The following NSUN7 variants were observed in gnomAD, a reference collection of about 807,000 sequenced individuals.
NSUN7 encodes the protein NOP2/Sun RNA methyltransferase family member 7.
In NSUN7, 39 loss-of-function variants were observed where a neutral mutation model predicts 58.5. The ratio of observed to expected loss-of-function variants is 0.67; its 90% CI spans 0.52 to 0.87. The LOEUF is 0.87. Ranked by LOEUF, NSUN7 falls within the 40% of genes least tolerant of loss-of-function variation. The pLI is 0.00. For missense variants in NSUN7, 765 were observed against 844.1 expected (o/e 0.91, Z 1.16); for synonymous variants, 278 against 303.7 (o/e 0.92, Z 0.88).
chr4:40,803,329 A>G (rs1743671593), intron 10 of NSUN7, among the ~76,000 whole-genome samples: 1 of 152,072 alleles, frequency 6.6e-6, no homozygotes, highest in South Asian at 2.1e-4. Context: ...GTCAAATGGT[A>G]TTTTTAGTTC....
intron 7 of NSUN7, chr4:40,786,764 T>C: frequency 1.3e-6 from 2 of 1,482,592 alleles, no homozygotes; most frequent in South Asian, 1.4e-5. Context: ...TGGTCTGATT[T>C]TGACAAATAG....
chr4:40,764,743 T>C (rs1741632831), intron 4 of NSUN7, among the ~76,000 whole-genome samples: 4 of 152,204 alleles, frequency 2.6e-5, no homozygotes, highest in South Asian at 2.1e-4. Context: ...CAGCACCTGT[T>C]GTTTCCTGAC....
chr4:40,750,885 G>A lies in NSUN7; in HGVS notation c.192G>A (p.Gln64=). The part of the protein sequence containing the change: ...FQGIRIEKSA[Q]KVLIKYGNEP... ...GTATTCGAATCGAAAAGTCGGCACA[G>A]AAAGTCTTAATCAAGTATGGGAATG... The change falls in exon 2 of 12, where the codon CAG becomes CAA. Residue 64 remains glutamine (Q), a synonymous_variant. Coordinates refer to ENST00000381782, the MANE Select transcript of NSUN7 (RefSeq NM_024677.6). 1 of 1,614,212 alleles carries A rather than the reference G, an allele frequency of 6.2e-7. No homozygotes were observed. Among genetic ancestry groups the A allele is most frequent in the Non-Finnish European group, 8.5e-7 (1 of 1,180,042 alleles).
Position 40,808,689 on chromosome 4 carries a change from G to C in NSUN7, c.1907G>C (p.Arg636Thr). The C allele has an allele frequency of 6.4e-7, 1 of 1,551,534 alleles. No homozygotes were observed. Among genetic ancestry groups the C allele is most frequent in the Non-Finnish European group, 8.7e-7 (1 of 1,147,014 alleles). Reference sequence around the variant, plus strand: ...CGTGAACGGCAGACACACTTCTTAAGACCTCGGCCAGAAGACAGAATGGTT... The same window carrying C: ...CGTGAACGGCAGACACACTTCTTAACACCTCGGCCAGAAGACAGAATGGTT... ...RPRERQTHFL[R>T]PRPEDRMVAL... The change falls in exon 12 of 12, where the codon AGA becomes ACA. Residue 636 changes from arginine to threonine, a missense_variant. Transcript: ENST00000381782.
At chr4:40,771,412 T>C (rs1032441130) in intron 4 of NSUN7, among the ~76,000 whole-genome samples, 1 of 152,170 alleles carries the variant, frequency 6.6e-6, no homozygotes, top group Admixed American at 6.6e-5. Context: ...CTTTCTCTCT[T>C]TCTCTTCTCT....
chr4:40,761,695 T>A (rs548251023), intron 4 of NSUN7, among the ~76,000 whole-genome samples: 1 of 152,256 alleles, frequency 6.6e-6, no homozygotes, highest in Non-Finnish European at 1.5e-5. Flanking sequence ...AAGAATCAAC[T>A]ATTTTCCCAA....
At chr4:40,784,325 A>T (rs1742710945) in intron 7 of NSUN7, among the ~76,000 whole-genome samples, 1 of 152,236 alleles carries the variant, frequency 6.6e-6, no homozygotes, top group Non-Finnish European at 1.5e-5. Flanking sequence ...TTGTACATGA[A>T]AGTTCATAGC....
Position 40,780,933 on chromosome 4 carries a change from C to T in NSUN7, c.1036+4674C>T, listed in dbSNP as rs746433206. Among the ~76,000 whole-genome samples the T allele has an allele frequency of 1.0e-3, 157 of 149,962 alleles. 2 individuals carry two copies. Among genetic ancestry groups the T allele is most frequent in the Middle Eastern group, 0.01 (3 of 290 alleles). On this transcript the variant is annotated intron_variant, in intron 7 of 11. Coordinates refer to ENST00000381782, the MANE Select transcript of NSUN7 (RefSeq NM_024677.6). The stretch of plus-strand genomic sequence containing the variant: ...CTCCCAGGTTCACACCATTCTTCTG[C>T]CTCAGCCTCCCAAGTAGCTGGGACT...
At chr4:40,751,772 T>C (rs1740845480) in intron 2 of NSUN7, among the ~76,000 whole-genome samples, 2 of 152,144 alleles carry the variant, frequency 1.3e-5, no homozygotes, top group Admixed American at 6.6e-5. Context: ...GGTGGGAGGA[T>C]TGATTGAGCT....
intron 7 of NSUN7, among the ~76,000 whole-genome samples, chr4:40,780,614 G>GA (rs78602277): frequency 2.7e-4 from 35 of 127,790 alleles, no homozygotes; most frequent in Middle Eastern, 3.8e-3. Flanking sequence ...CTCAAAAAAA[G>GA]AAAAAAAAAA....
rs569537757 is a variant in NSUN7, at chr4:40,757,674, GTA to G, written c.299-2751_299-2750del. On this transcript the variant is annotated intron_variant, in intron 2 of 11. Coordinates refer to ENST00000381782, the MANE Select transcript of NSUN7 (RefSeq NM_024677.6). ...CATTGTGTATATATATACATTGTGT[GTA>G]TATATATACACACTGTGTATATATA... Among the ~76,000 whole-genome samples the G allele has an allele frequency of 3.7e-3, 536 of 143,716 alleles. 4 individuals carry two copies. Among genetic ancestry groups the G allele is most frequent in the African/African-American group, 0.013 (498 of 38,650 alleles). 94.3% of individuals were successfully genotyped at this position (143,716 alleles called of 152,430 possible).
Position 40,808,404 on chromosome 4 carries a change from G to C in NSUN7, c.1622G>C (p.Arg541Pro). The C allele has an allele frequency of 6.2e-7, 1 of 1,614,012 alleles. No homozygotes were observed. The highest frequency in any genetic ancestry group is 8.5e-7 in the Non-Finnish European group (1 of 1,179,980). Residue 541 changes from arginine (R) to proline (P), a missense_variant, in exon 12 of 12, where the codon CGG becomes CCG. Transcript: ENST00000381782. ...ATTGAGTTGGGTAAATCATCAAAAC[G>C]GGAGAAGAAGAAGAAAAAATCAAAA... ...DGIELGKSSK[R>P]EKKKKKSKTS...
intron 7 of NSUN7, among the ~76,000 whole-genome samples, chr4:40,780,802 TATATATA>T (rs1560555627): frequency 6.8e-5 from 7 of 102,910 alleles, no homozygotes; most frequent in Non-Finnish European, 1.4e-4. Context: ...CATATATATA[TATATATA>T]TATATTTTTT....
intron 7 of NSUN7, among the ~76,000 whole-genome samples, chr4:40,788,531 C>A (rs1742936305): frequency 6.6e-6 from 1 of 152,168 alleles, no homozygotes; most frequent in Non-Finnish European, 1.5e-5. Flanking sequence ...CACACTTTGT[C>A]CTGCCTTGTG....
chr4:40,788,788 G>A (rs1742950665), intron 7 of NSUN7, among the ~76,000 whole-genome samples: 2 of 152,160 alleles, frequency 1.3e-5, no homozygotes, highest in Non-Finnish European at 2.9e-5. Flanking sequence ...TGTAGGTTTG[G>A]GGGCAGGGAG....
rs1417373177 is a variant in NSUN7 at position 40,775,040 on chromosome 4, A to G, written c.825+90A>G. 2 of 574,076 alleles carry G rather than the reference A, an allele frequency of 3.5e-6. No individual in the cohort carries two copies. Among genetic ancestry groups the G allele is most frequent in the Non-Finnish European group, 6.0e-6 (2 of 334,312 alleles). The allele number at this position is 574,076 out of a possible 1,614,324, so 35.6% of individuals were successfully genotyped here. ...TTAAAAATAAAACCTAACACTGTTT[A>G]TATTTTTATAGATTATCAGGGAGGT... On this transcript the variant is annotated intron_variant, in intron 6 of 11. Coordinates refer to ENST00000381782, the MANE Select transcript of NSUN7 (RefSeq NM_024677.6). This position sits in a 1 kb window ranked among gnomAD's most constrained non-coding sequence, Gnocchi z 4.3.
At chr4:40,764,481 G>A (rs528912112) in intron 4 of NSUN7, among the ~76,000 whole-genome samples, 15 of 151,864 alleles carry the variant, frequency 9.9e-5, no homozygotes, top group South Asian at 6.2e-4. Context: ...GTCTATCATC[G>A]TTGGACATTT....
chr4:40,790,689 GTTGTTCAGGACTGGGT>G lies in NSUN7; in HGVS notation c.1125_1140del (p.Cys376LeufsTer5). ...GTTAAAGTGATTTTGCTGCTACCTCGTTGTTCAGGACTGGGTGTTAGTAATCCAGTAGAATTTATTT... is the reference window on the plus strand; with the variant it reads ...GTTAAAGTGATTTTGCTGCTACCTCGGTTAGTAATCCAGTAGAATTTATTT... On this transcript the variant is annotated frameshift_variant, in exon 8 of 12. Transcript: ENST00000381782. LOFTEE classifies it high-confidence loss of function. 1 of 1,603,574 alleles carries G rather than the reference GTTGTTCAGGACTGGGT, an allele frequency of 6.2e-7. No individual in the cohort carries two copies. The highest frequency in any genetic ancestry group is 8.5e-7 in the Non-Finnish European group (1 of 1,174,964).
intron 9 of NSUN7, among the ~76,000 whole-genome samples, chr4:40,795,545 T>G (rs927999584): frequency 1.3e-5 from 2 of 152,218 alleles, no homozygotes; most frequent in Non-Finnish European, 2.9e-5. Context: ...AAAGGGATTT[T>G]AATGACATAA....
Sources: gnomAD v4.1 joint callset for allele counts (sites outside exome capture counted in the v4.1 genomes callset) on GRCh38, gnomAD v4.1.1 for gene constraint, Gnocchi (gnomAD v3.1) non-coding constraint, MANE v1.5 for transcripts, NCBI Gene and HGNC (gene_info 2026-07-23, HGNC 2026-07-21) for gene names.